CLEC4E: variants seen among roughly 807,000 people sequenced by gnomAD.
CLEC4E encodes the protein C-type lectin domain family 4 member E, also known as C-type (calcium dependent, carbohydrate-recognition domain) lectin, superfamily member 9.
Under a neutral mutation model 24.7 loss-of-function variants are expected in CLEC4E, and 21 were observed. That is an observed-to-expected ratio of 0.85 (90% CI 0.60 to 1.22). The LOEUF (loss-of-function observed/expected upper bound fraction) is 1.22, where lower values mean the gene tolerates loss of function less well. Ranked by LOEUF, CLEC4E falls within the 50% of genes most tolerant of loss-of-function variation. The probability of loss-of-function intolerance (pLI) is 0.00; values close to 1 mark genes in which losing one functional copy is unlikely to be tolerated. For missense variants in CLEC4E, 249 were observed against 254.1 expected, an observed-to-expected ratio of 0.98 and a Z score of 0.14; for synonymous variants, 94 against 85.7, an observed-to-expected ratio of 1.10 and a Z score of -0.54.
rs1940576051 is a variant in CLEC4E at position 8,533,818 on chromosome 12, C to G, written c.*820G>C. 1 of 152,132 alleles carries G rather than the reference C, an allele frequency of 6.6e-6. No homozygotes were observed. The allele number at this position is 152,132 out of a possible 1,614,324, so 9.4% of individuals were successfully genotyped here. A position where few individuals can be genotyped will look rare whatever the true frequency, so the allele number is the denominator to read the frequency against. On this transcript the variant is annotated 3_prime_UTR_variant, in exon 6 of 6. Coordinates refer to ENST00000299663, the MANE Select transcript of CLEC4E (RefSeq NM_014358.4). ...GACATGAGTTTACCTATATAAAAAG[C>G]CTTTAACATGTACCCCCGAAAGCTA...
intron 3 of CLEC4E, among the ~76,000 whole-genome samples, chr12:8,538,470 T>C (rs1394066406): frequency 6.6e-6 from 1 of 152,214 alleles, no homozygotes; most frequent in Non-Finnish European, 1.5e-5. Context: ...TTACCTATCA[T>C]TGGAGATGAC....
At position 8,540,885 on chromosome 12, in the gene CLEC4E, T is replaced by G; in HGVS notation, c.-88A>C. ...TTTCTCCTCAGGAGTGTTTTGTTGG[T>G]AAGATTCAGGGAGAATGAATCTTGA... On this transcript the variant is annotated 5_prime_UTR_variant, in exon 1 of 6. Coordinates refer to ENST00000299663, the MANE Select transcript of CLEC4E (RefSeq NM_014358.4). 1.1e-6 allele frequency: 1 copy of G among 889,976 alleles called. No homozygotes were observed. Among genetic ancestry groups the G allele is most frequent in the Non-Finnish European group, 1.9e-6 (1 of 526,628 alleles). 55.1% of individuals were successfully genotyped at this position (889,976 alleles called of 1,614,324 possible).
Position 8,537,358 on chromosome 12 carries a change from CAGA to C in CLEC4E, c.221-95_221-93del. ...GGCCCCATGGAGTCCTCATTTAAGT[CAGA>C]AGCCTTGGAATCACTTGTTCATACC... On this transcript the variant is annotated intron_variant, in intron 3 of 5. Coordinates refer to ENST00000299663, the MANE Select transcript of CLEC4E (RefSeq NM_014358.4). The C allele has an allele frequency of 2.5e-6, 3 of 1,215,390 alleles. No individual in the cohort carries two copies. In the South Asian group the frequency reaches 4.7e-5, roughly 19 times the overall value. 75.3% of individuals were successfully genotyped at this position (1,215,390 alleles called of 1,614,324 possible).
intron 3 of CLEC4E, 43 bp downstream of exon 3, chr12:8,539,174 G>A (rs1334323622): frequency 7.4e-7 from 1 of 1,348,718 alleles, no homozygotes; most frequent in South Asian, 1.2e-5. Context: ...GCCAGAAAAT[G>A]TTGCTTTGTA....
At chr12:8,538,565 G>A (rs938552220) in intron 3 of CLEC4E, among the ~76,000 whole-genome samples, 11 of 152,114 alleles carry the variant, frequency 7.2e-5, no homozygotes, top group South Asian at 2.1e-4. Flanking sequence ...CGGTCTCCGC[G>A]CATTGGTGGT....
At chr12:8,536,484 G>A (rs773040103) in intron 4 of CLEC4E, among the ~76,000 whole-genome samples, 2 of 152,208 alleles carry the variant, frequency 1.3e-5, no homozygotes, top group African/African-American at 2.4e-5. Flanking sequence ...CTTGAACCTG[G>A]GAGGCAGAGG....
At chr12:8,536,729 A>G (rs1380827118) in intron 4 of CLEC4E, among the ~76,000 whole-genome samples, 1 of 152,220 alleles carries the variant, frequency 6.6e-6, no homozygotes, top group Non-Finnish European at 1.5e-5. Context: ...AAGTTTATCT[A>G]CTATTATTGG....
At chr12:8,535,265 C>G (rs918556886) in intron 5 of CLEC4E, among the ~76,000 whole-genome samples, 1 of 152,142 alleles carries the variant, frequency 6.6e-6, no homozygotes, top group African/African-American at 2.4e-5. Flanking sequence ...CAGAGTATCT[C>G]TGTTGTACTC....
chr12:8,536,987 T>C lies in CLEC4E; in HGVS notation c.372+128A>G, dbSNP rs767751328. On this transcript the variant is annotated intron_variant, in intron 4 of 5. Coordinates refer to ENST00000299663, the MANE Select transcript of CLEC4E (RefSeq NM_014358.4). ...GTAGGCAGTGACTTTACCGAAATAG[T>C]AAGAACAGCATGCATTTTAGTACAT... The C allele has an allele frequency of 1.4e-4, 109 of 804,020 alleles. 1 individual carries two copies. In the South Asian group the frequency reaches 1.9e-3, roughly 14 times the overall value. 49.8% of individuals were successfully genotyped at this position (804,020 alleles called of 1,614,324 possible).
intron 1 of CLEC4E, among the ~76,000 whole-genome samples, chr12:8,540,467 C>T (rs112091919): frequency 1.2e-3 from 182 of 151,722 alleles, no homozygotes; most frequent in African/African-American, 4.3e-3. Context: ...TTCCTCTCTT[C>T]CTCCCATTAA....
intron 4 of CLEC4E, 132 bp from the exon 5 acceptor site, chr12:8,536,337 C>T (rs1414548664): frequency 2.0e-6 from 1 of 495,418 alleles, no homozygotes; most frequent in Non-Finnish European, 3.8e-6. Context: ...GGGTGGATCA[C>T]CTGAGGTCAG....
intron 5 of CLEC4E, 125 bp from the exon 6 acceptor site, chr12:8,534,934 T>A: frequency 1.3e-6 from 1 of 750,508 alleles, no homozygotes; most frequent in Non-Finnish European, 2.1e-6. Flanking sequence ...GGTATTATAA[T>A]GTCCATTTTA....
rs774218702 is a variant in CLEC4E, at chr12:8,534,628, C to A, written c.*10G>T. Reference sequence around the variant, plus strand: ...TCCTTCTTTACACATTTGAGTTGTGCCTTCTGTTCTTAAAGAGATTTTCCT... The same window carrying A: ...TCCTTCTTTACACATTTGAGTTGTGACTTCTGTTCTTAAAGAGATTTTCCT... On this transcript the variant is annotated 3_prime_UTR_variant, in exon 6 of 6. Coordinates refer to ENST00000299663, the MANE Select transcript of CLEC4E (RefSeq NM_014358.4). 6.2e-7 allele frequency: 1 copy of A among 1,606,994 alleles called. No individual in the cohort carries two copies. Among genetic ancestry groups the A allele is most frequent in the East Asian group, 2.2e-5 (1 of 44,810 alleles).
In CLEC4E at chr12:8,534,851, A is replaced by G. The variant is rs747817772; in HGVS notation, c.489-42T>C. ...TAGGAGACTTAAAATCCCAGCAAAAAGAGGTAAAGTAACCTAATATACTAG... is the reference window on the plus strand; with the variant it reads ...TAGGAGACTTAAAATCCCAGCAAAAGGAGGTAAAGTAACCTAATATACTAG... On this transcript the variant is annotated intron_variant, in intron 5 of 5. Transcript: ENST00000299663. The G allele has an allele frequency of 3.2e-6, 5 of 1,550,886 alleles. No homozygotes were observed. In the African/African-American group the frequency reaches 5.5e-5, roughly 17 times the overall value.
chr12:8,537,058 A>G, intron 4 of CLEC4E, 57 bp downstream of exon 4: 1 of 1,548,518 alleles, frequency 6.5e-7, no homozygotes, highest in East Asian at 2.3e-5. Context: ...CATATGTATG[A>G]AAAGAGAGGT....
In CLEC4E at chr12:8,534,645, G is replaced by C. The variant is rs775162634; in HGVS notation, c.653C>G (p.Ser218Cys). The change falls in exon 6 of 6, where the codon TCT becomes TGT. Residue 218 changes from serine (S) to cysteine (C), a missense_variant. Ser to Cys is a moderately radical substitution (Grantham distance 112). Transcript: ENST00000299663. Reference protein sequence around the residue: ...VGINPLNKGKSL With the variant: ...VGINPLNKGKCL ...GAGTTGTGCCTTCTGTTCTTAAAGA[G>C]ATTTTCCTTTGTTCAAAGGATTTAT... The C allele has an allele frequency of 1.2e-6, 2 of 1,612,754 alleles. No homozygotes were observed. The highest frequency in any genetic ancestry group is 1.7e-6 in the Non-Finnish European group (2 of 1,179,160).
intron 5 of CLEC4E, among the ~76,000 whole-genome samples, chr12:8,535,641 T>C (rs1391680768): frequency 6.6e-6 from 1 of 152,138 alleles, no homozygotes; most frequent in Non-Finnish European, 1.5e-5. Flanking sequence ...TAGCAAAATA[T>C]TTTATATATC....
chr12:8,537,363 G>T, intron 3 of CLEC4E, 97 bp from the exon 4 acceptor site: 2 of 1,123,512 alleles, frequency 1.8e-6, no homozygotes, highest in Non-Finnish European at 2.6e-6. Flanking sequence ...TAAGTCAGAA[G>T]CCTTGGAATC....
At chr12:8,536,029 TG>T in intron 5 of CLEC4E, 60 bp downstream of exon 5, 2 of 938,764 alleles carry the variant, frequency 2.1e-6, no homozygotes, top group Non-Finnish European at 3.5e-6. Flanking sequence ...ATAATGGACC[TG>T]ATCTATTGCA....
Sources: gnomAD v4.1 joint callset for allele counts (sites outside exome capture counted in the v4.1 genomes callset) on GRCh38, gnomAD v4.1.1 for gene constraint, MANE v1.5 for transcripts, NCBI Gene and HGNC (gene_info 2026-07-23, HGNC 2026-07-21) for gene names.